Variants in RNF150 observed in about 807,000 individuals in gnomAD.
RNF150 encodes ring finger protein 150.
In RNF150, 24 loss-of-function variants were observed where a neutral mutation model predicts 39.3. The ratio of observed to expected loss-of-function variants is 0.61; its 90% CI spans 0.44 to 0.86. RNF150 has a LOEUF of 0.86. Ranked by LOEUF, RNF150 falls within the 40% of genes least tolerant of loss-of-function variation. RNF150 has a pLI of 0.00. For synonymous variants in RNF150, 255 were observed against 227.3 expected (o/e 1.12, Z -1.10); for missense variants, 502 against 587.8 (o/e 0.85, Z 1.51).
chr4:141,182,940 G>A (rs1006738759), intron 1 of RNF150, among the ~76,000 whole-genome samples: 2 of 151,422 alleles, frequency 1.3e-5, no homozygotes, highest in African/African-American at 2.4e-5. Flanking sequence ...ATACTACAAG[G>A]CTACAGTAAC....
At chr4:140,984,146 A>G (rs899341755) in intron 1 of RNF150, among the ~76,000 whole-genome samples, 1 of 152,090 alleles carries the variant, frequency 6.6e-6, no homozygotes, top group African/African-American at 2.4e-5. Flanking sequence ...ATCATTTTGC[A>G]TTTTGGATTT....
intron 1 of RNF150, among the ~76,000 whole-genome samples, chr4:141,091,408 C>A (rs1738576512): frequency 6.6e-6 from 1 of 152,028 alleles, no homozygotes; most frequent in Non-Finnish European, 1.5e-5. Flanking sequence ...ATGATATTTG[C>A]CTTCAAATAT....
At chr4:140,947,538 A>G in intron 4 of RNF150, 116 bp downstream of exon 4, 1 of 730,860 alleles carries the variant, frequency 1.4e-6, no homozygotes, top group Non-Finnish European at 2.4e-6. Flanking sequence ...GAAACATGGA[A>G]ACACTGAGGC....
rs547798349 is a variant in RNF150 at position 141,073,191 on chromosome 4, G to A, written c.484+59134C>T. Among the ~76,000 whole-genome samples, 50 of 152,176 alleles carry A rather than the reference G, an allele frequency of 3.3e-4. No individual in the cohort carries two copies. In the South Asian group the frequency reaches 1.0e-2, roughly 30 times the overall value. ...GAAGTGGAAATAGGCTTGGATGAAG[G>A]GGAAAGGACTCTTCATGGCTACAGC... On this transcript the variant is annotated intron_variant, in intron 1 of 6. Transcript: ENST00000515673.
chr4:141,124,084 G>GA (rs1275384938), intron 1 of RNF150, among the ~76,000 whole-genome samples: 1 of 152,222 alleles, frequency 6.6e-6, no homozygotes. Flanking sequence ...TACCCCGAAG[G>GA]AAAAATCCAC....
chr4:141,127,096 A>G (rs1726772109), intron 1 of RNF150, among the ~76,000 whole-genome samples: 1 of 152,110 alleles, frequency 6.6e-6, no homozygotes, highest in Non-Finnish European at 1.5e-5. Flanking sequence ...AAGGGTATAC[A>G]GAGCTGTAGC....
chr4:141,197,524 C>T (rs1395730589), intron 1 of RNF150, among the ~76,000 whole-genome samples: 1 of 152,002 alleles, frequency 6.6e-6, no homozygotes, highest in Non-Finnish European at 1.5e-5. Flanking sequence ...ATTTTCTCTC[C>T]AAATTTACTT....
intron 6 of RNF150, among the ~76,000 whole-genome samples, chr4:140,899,972 C>CTGTGTGTGTGTGTGTGTG (rs1208364964): frequency 2.9e-5 from 2 of 69,802 alleles, no homozygotes; most frequent in African/African-American, 9.0e-5. Context: ...CTCTCTCTCT[C>CTGTGTGTGTGTGTGTGTG]TCTGTGTGTG....
intron 6 of RNF150, among the ~76,000 whole-genome samples, chr4:140,892,638 G>A (rs1444642495): frequency 6.6e-6 from 1 of 151,186 alleles, no homozygotes; most frequent in East Asian, 1.9e-4. Context: ...CAGAAAGTGG[G>A]TTAGGGAGTC....
intron 4 of RNF150, among the ~76,000 whole-genome samples, chr4:140,939,644 GTGTGTGTGTGTGTGTGTT>G (rs1732003138): frequency 1.4e-5 from 2 of 145,490 alleles, no homozygotes; most frequent in Non-Finnish European, 3.0e-5. Context: ...GTGTGTGTGT[GTGTGTGTGTGTGTGTGTT>G]TGAGTGATGA....
At chr4:141,211,982 G>A (rs1256478009) in intron 1 of RNF150, among the ~76,000 whole-genome samples, 1 of 152,162 alleles carries the variant, frequency 6.6e-6, no homozygotes, top group Non-Finnish European at 1.5e-5. Flanking sequence ...AAAAGTGGAT[G>A]CTTTCTCCAC....
intron 1 of RNF150, among the ~76,000 whole-genome samples, chr4:141,189,088 G>A (rs971233959): frequency 3.3e-5 from 5 of 152,194 alleles, no homozygotes; most frequent in African/African-American, 1.2e-4. Context: ...TTTTGTTGAT[G>A]TTGATGCTAT....
intron 1 of RNF150, among the ~76,000 whole-genome samples, chr4:140,988,582 G>C (rs1734088124): frequency 6.6e-6 from 1 of 152,012 alleles, no homozygotes; most frequent in South Asian, 2.1e-4. Context: ...TTGGTGTGCT[G>C]CACTCATTAA....
At chr4:140,991,630 G>A (rs1174657401) in intron 1 of RNF150, among the ~76,000 whole-genome samples, 8 of 152,148 alleles carry the variant, frequency 5.3e-5, no homozygotes, top group Admixed American at 5.2e-4. Flanking sequence ...AACACTGAAT[G>A]TCAAGACTTC....
chr4:141,087,729 G>A (rs564192486), intron 1 of RNF150, among the ~76,000 whole-genome samples: 24 of 152,252 alleles, frequency 1.6e-4, no homozygotes, highest in African/African-American at 5.5e-4. Context: ...CTGTGGGTCA[G>A]TGATTTGCAT....
intron 1 of RNF150, among the ~76,000 whole-genome samples, chr4:141,026,586 A>T (rs1735705604): frequency 6.6e-6 from 1 of 152,158 alleles, no homozygotes; most frequent in Non-Finnish European, 1.5e-5. Flanking sequence ...GGATGAACAA[A>T]CTTAAACAAG....
intron 1 of RNF150, among the ~76,000 whole-genome samples, chr4:140,980,291 T>C (rs1560997772): frequency 2.0e-5 from 3 of 151,978 alleles, no homozygotes. Flanking sequence ...GATCTGCTTG[T>C]CTTGGCCTCT....
At chr4:141,103,638 C>T (rs1039855398) in intron 1 of RNF150, among the ~76,000 whole-genome samples, 3 of 152,168 alleles carry the variant, frequency 2.0e-5, no homozygotes, top group South Asian at 2.1e-4. Flanking sequence ...TTTCACGGAA[C>T]AATAGCTACC....
chr4:141,031,602 A>T (rs1238424288), intron 1 of RNF150, among the ~76,000 whole-genome samples: 2 of 152,176 alleles, frequency 1.3e-5, no homozygotes, highest in East Asian at 3.8e-4. Flanking sequence ...AGACTTTAAT[A>T]GATATTTCAC....
Sources: allele counts gnomAD v4.1 joint callset (sites outside exome capture counted in the v4.1 genomes callset), GRCh38; gene constraint gnomAD v4.1.1; transcripts MANE v1.5; gene names NCBI Gene and HGNC (gene_info 2026-07-23, HGNC 2026-07-21).